The following ARB2A variants were observed in gnomAD, a reference collection of about 807,000 sequenced individuals.
The protein encoded by ARB2A is cotranscriptional regulator ARB2A.
chr5:93,895,075 CA>C, the ARB2A span, among the ~76,000 whole-genome samples: 2 of 151,872 alleles, frequency 1.3e-5, no homozygotes, highest in South Asian at 2.1e-4. Flanking sequence ...GCTTTCCAAC[CA>C]AAAAAACAAG....
chr5:93,714,948 G>A, the ARB2A span, among the ~76,000 whole-genome samples: 1 of 152,020 alleles, frequency 6.6e-6, no homozygotes, highest in Non-Finnish European at 1.5e-5. Context: ...TTTCCCATAT[G>A]GCACATCAGA....
the ARB2A span, among the ~76,000 whole-genome samples, chr5:93,820,515 A>G: frequency 1.3e-5 from 2 of 152,356 alleles, no homozygotes; most frequent in Admixed American, 6.5e-5. Flanking sequence ...TAAAACTAGT[A>G]TAAGGCAAAA....
the ARB2A span, among the ~76,000 whole-genome samples, chr5:94,004,098 C>T: frequency 1.3e-5 from 2 of 152,042 alleles, no homozygotes; most frequent in South Asian, 2.1e-4. Flanking sequence ...GAAAGATGGC[C>T]TTTTCAATTC....
the ARB2A span, among the ~76,000 whole-genome samples, chr5:93,975,547 T>C: frequency 1.8e-4 from 27 of 152,056 alleles, no homozygotes; most frequent in African/African-American, 5.8e-4. Context: ...GATAAACTGT[T>C]AGCTAGATTA....
chr5:93,851,180 T>C, the ARB2A span, among the ~76,000 whole-genome samples: 1 of 152,162 alleles, frequency 6.6e-6, no homozygotes, highest in African/African-American at 2.4e-5. Flanking sequence ...CGAGTGAAAA[T>C]GCTTAGCAAA....
the ARB2A span, among the ~76,000 whole-genome samples, chr5:93,914,086 A>G: frequency 6.6e-6 from 1 of 151,952 alleles, no homozygotes; most frequent in Non-Finnish European, 1.5e-5. Context: ...GATAGTGAAC[A>G]AAGAAAGTCA....
At chr5:94,039,607 T>C in the ARB2A span, among the ~76,000 whole-genome samples, 1 of 151,982 alleles carries the variant, frequency 6.6e-6, no homozygotes, top group African/African-American at 2.4e-5. Flanking sequence ...GTCTGTGGAG[T>C]AGCCATTCTT....
At chr5:93,787,833 T>C in the ARB2A span, among the ~76,000 whole-genome samples, 1 of 152,148 alleles carries the variant, frequency 6.6e-6, no homozygotes, top group African/African-American at 2.4e-5. Context: ...AAGATAGAAA[T>C]CAGCCAGGAG....
At chr5:93,958,818 C>T in the ARB2A span, 9 of 1,601,706 alleles carry the variant, frequency 5.6e-6, no homozygotes, top group African/African-American at 1.1e-4. Context: ...GTGCCACTGT[C>T]CAGATCTTCA....
At chr5:93,787,094 C>G in the ARB2A span, among the ~76,000 whole-genome samples, 1 of 152,114 alleles carries the variant, frequency 6.6e-6, no homozygotes, top group African/African-American at 2.4e-5. Context: ...TTGTAAAATG[C>G]TTTCTACATG....
At chr5:93,626,600 T>C in the ARB2A span, among the ~76,000 whole-genome samples, 1 of 152,232 alleles carries the variant, frequency 6.6e-6, no homozygotes, top group South Asian at 2.1e-4. Flanking sequence ...ATAAAAGTTA[T>C]GTTTACACTA....
At chr5:93,817,787 C>T in the ARB2A span, among the ~76,000 whole-genome samples, 1 of 151,964 alleles carries the variant, frequency 6.6e-6, no homozygotes, top group Non-Finnish European at 1.5e-5. Flanking sequence ...TAAATTGGAC[C>T]CTTACCTCAC....
chr5:93,805,882 C>G, the ARB2A span: 1,068 of 985,088 alleles, frequency 1.1e-3, 12 homozygotes, highest in African/African-American at 0.017. Context: ...AGCGAAAGCA[C>G]TTCCCAGCAT....
At chr5:93,805,561 T>A in the ARB2A span, 3 of 985,062 alleles carry the variant, frequency 3.0e-6, no homozygotes, top group Admixed American at 6.2e-5. Flanking sequence ...TCATACAGCA[T>A]CCTTCCTGAT....
chr5:93,640,993 A>T, the ARB2A span, among the ~76,000 whole-genome samples: 1 of 151,888 alleles, frequency 6.6e-6, no homozygotes, highest in Non-Finnish European at 1.5e-5. Flanking sequence ...CAAAGTCAGG[A>T]GTTTGAGACC....
the ARB2A span, among the ~76,000 whole-genome samples, chr5:93,764,226 C>CA: frequency 6.6e-6 from 1 of 151,950 alleles, no homozygotes; most frequent in African/African-American, 2.4e-5. Context: ...AATAGAGACA[C>CA]AAAAAACCCT....
the ARB2A span, among the ~76,000 whole-genome samples, chr5:93,856,151 G>A: frequency 2.0e-5 from 3 of 152,190 alleles, no homozygotes; most frequent in African/African-American, 7.2e-5. Flanking sequence ...TCTGCCAAGA[G>A]ATCCGCTGTT....
At chr5:93,984,457 C>T in the ARB2A span, among the ~76,000 whole-genome samples, 12 of 152,128 alleles carry the variant, frequency 7.9e-5, no homozygotes, top group Middle Eastern at 6.3e-3. Context: ...ACTATACTTA[C>T]GGATATTTTC....
the ARB2A span, chr5:93,743,229 T>TTTAAC: frequency 7.9e-5 from 12 of 152,310 alleles, no homozygotes; most frequent in African/African-American, 2.9e-4. Flanking sequence ...GTGTACTTAG[T>TTTAAC]TATGTGTCAT....
Sources: gnomAD v4.1 joint callset for allele counts (sites outside exome capture counted in the v4.1 genomes callset) on GRCh38, gnomAD v4.1.1 for gene constraint, MANE v1.5 for transcripts, NCBI Gene and HGNC (gene_info 2026-07-23, HGNC 2026-07-21) for gene names.